The following LTAP1 variants were observed in gnomAD, a reference collection of about 807,000 sequenced individuals.
LTAP1 encodes the protein HCV NS5A-transactivated protein 4.
chr1:154,217,474 T>C, the LTAP1 span, among the ~76,000 whole-genome samples: 9 of 152,110 alleles, frequency 5.9e-5, no homozygotes, highest in Non-Finnish European at 1.2e-4. Context: ...ATAAATGGGG[T>C]GGAAGCACAT....
chr1:154,215,314 C>A, the LTAP1 span, among the ~76,000 whole-genome samples: 1 of 152,098 alleles, frequency 6.6e-6, no homozygotes, highest in Admixed American at 6.6e-5. Flanking sequence ...CGCCTGTAAT[C>A]CCAACACTTT....
chr1:154,212,419 AG>A, the LTAP1 span: 1 of 1,614,056 alleles, frequency 6.2e-7, no homozygotes, highest in Non-Finnish European at 8.5e-7. Flanking sequence ...TCTCAGTCTG[AG>A]GGATCTCTTT....
At chr1:154,215,019 A>G in the LTAP1 span, among the ~76,000 whole-genome samples, 60 of 151,814 alleles carry the variant, frequency 4.0e-4, no homozygotes, top group African/African-American at 1.3e-3. Context: ...TAATTTTTCT[A>G]TTCTTAGTAG....
chr1:154,212,293 C>G, the LTAP1 span: 1 of 1,613,424 alleles, frequency 6.2e-7, no homozygotes, highest in Non-Finnish European at 8.5e-7. Context: ...TACCAGCTCC[C>G]TCTGACACGT....
At chr1:154,216,954 T>A in the LTAP1 span, among the ~76,000 whole-genome samples, 2 of 141,982 alleles carry the variant, frequency 1.4e-5, no homozygotes, top group Admixed American at 1.4e-4. Context: ...TGGCCTTAAA[T>A]TTTTTTTTTT....
At chr1:154,214,677 A>G in the LTAP1 span, 3 of 696,318 alleles carry the variant, frequency 4.3e-6, no homozygotes, top group South Asian at 3.8e-5. Context: ...CAACAGAAAT[A>G]GAGACCATGC....
At chr1:154,220,388 C>T in the LTAP1 span, 1 of 1,614,236 alleles carries the variant, frequency 6.2e-7, no homozygotes, top group Non-Finnish European at 8.5e-7. Flanking sequence ...CCCGGAGAGC[C>T]AGTTACTGCC....
At chr1:154,211,397 C>T in the LTAP1 span, among the ~76,000 whole-genome samples, 2 of 112,672 alleles carry the variant, frequency 1.8e-5, no homozygotes, top group Non-Finnish European at 3.3e-5. Context: ...AGTGCAGTGG[C>T]GTGATCTCAG....
At chr1:154,213,991 C>T in the LTAP1 span, 2 of 1,577,834 alleles carry the variant, frequency 1.3e-6, no homozygotes, top group Non-Finnish European at 1.7e-6. Context: ...TAAAAATATT[C>T]CCCAGGCTGG....
chr1:154,215,840 CTTTT>C, the LTAP1 span, among the ~76,000 whole-genome samples: 16 of 137,774 alleles, frequency 1.2e-4, no homozygotes, highest in Non-Finnish European at 1.7e-4. Flanking sequence ...CACTAACTTT[CTTTT>C]TTTTTTTTTT....
At chr1:154,210,952 T>C in the LTAP1 span, among the ~76,000 whole-genome samples, 1 of 152,198 alleles carries the variant, frequency 6.6e-6, no homozygotes, top group Non-Finnish European at 1.5e-5. Context: ...GGCCTTTGTT[T>C]CAGACATGGT....
the LTAP1 span, chr1:154,212,157 G>A: frequency 7.6e-6 from 6 of 789,942 alleles, no homozygotes; most frequent in Non-Finnish European, 1.3e-5. Flanking sequence ...GTGCCCGGCC[G>A]CATCTGCTTT....
the LTAP1 span, among the ~76,000 whole-genome samples, chr1:154,217,239 G>A: frequency 2.0e-5 from 3 of 152,058 alleles, no homozygotes; most frequent in Non-Finnish European, 2.9e-5. Flanking sequence ...GTTAGCCACC[G>A]CACCCAGCAA....
chr1:154,213,975 T>C, the LTAP1 span: 2 of 1,604,222 alleles, frequency 1.2e-6, no homozygotes, highest in Admixed American at 1.7e-5. Context: ...GTGTTAGGCA[T>C]AACCCTAAAA....
At chr1:154,213,830 A>C in the LTAP1 span, 1 of 1,383,354 alleles carries the variant, frequency 7.2e-7, no homozygotes, top group African/African-American at 1.4e-5. Context: ...AAGTGGGTTC[A>C]TTACTCTGTT....
chr1:154,212,684 G>A, the LTAP1 span: 7 of 1,585,604 alleles, frequency 4.4e-6, no homozygotes, highest in Non-Finnish European at 6.0e-6. Context: ...TTTTTGAGAT[G>A]GAGTCTCGCT....
At chr1:154,213,771 A>T in the LTAP1 span, 1 of 700,276 alleles carries the variant, frequency 1.4e-6, no homozygotes, top group Non-Finnish European at 2.4e-6. Flanking sequence ...AAAACTCTAG[A>T]ATTTCCTACT....
chr1:154,213,009 G>C, the LTAP1 span, among the ~76,000 whole-genome samples: 2 of 151,698 alleles, frequency 1.3e-5, no homozygotes, highest in South Asian at 4.2e-4. Context: ...CCCAAACTTA[G>C]AAGTAGGTCT....
At chr1:154,214,844 A>ATTT in the LTAP1 span, among the ~76,000 whole-genome samples, 3 of 140,358 alleles carry the variant, frequency 2.1e-5, no homozygotes, top group Non-Finnish European at 3.1e-5. Context: ...ATTATTTCCA[A>ATTT]TTTTTTTTTT....
Sources: allele counts gnomAD v4.1 joint callset (sites outside exome capture counted in the v4.1 genomes callset), GRCh38; gene constraint gnomAD v4.1.1; transcripts MANE v1.5; gene names NCBI Gene and HGNC (gene_info 2026-07-23, HGNC 2026-07-21).